Variants in KCNIP1 observed in about 807,000 individuals in gnomAD.
KCNIP1 encodes potassium voltage-gated channel interacting protein 1.
KCNIP1 carries 18 observed loss-of-function variants against 33.0 expected under a neutral mutation model. The ratio of observed to expected loss-of-function variants is 0.55; its 90% confidence interval spans 0.38 to 0.81. The LOEUF (loss-of-function observed/expected upper bound fraction) is 0.81, where lower values mean the gene tolerates loss of function less well. Ranked by LOEUF, KCNIP1 falls within the 30% of genes least tolerant of loss-of-function variation. KCNIP1 has a pLI of 0.00. For missense variants in KCNIP1, 238 were observed against 271.6 expected (o/e 0.88, Z 0.87); for synonymous variants, 93 against 98.3 (o/e 0.95, Z 0.32).
At chr5:170,548,726 C>T (rs559819461) in intron 1 of KCNIP1, among the ~76,000 whole-genome samples, 22 of 152,322 alleles carry the variant, frequency 1.4e-4, no homozygotes, top group African/African-American at 4.6e-4. Context: ...TATGTTGGGA[C>T]CTCTTCCCAC....
chr5:170,507,284 C>T (rs1754757299), intron 1 of KCNIP1, among the ~76,000 whole-genome samples: 2 of 152,196 alleles, frequency 1.3e-5, no homozygotes, highest in Non-Finnish European at 2.9e-5. Context: ...TTGTTTTCCT[C>T]AACTATAAAA....
intron 1 of KCNIP1, among the ~76,000 whole-genome samples, chr5:170,401,757 C>CA (rs201537929): frequency 0.048 from 6,174 of 127,628 alleles, 165 homozygotes; most frequent in Middle Eastern, 0.099. Context: ...GAGACTCTGT[C>CA]AAAAAAAAAA....
chr5:170,627,692 G>A (rs1030778910), intron 1 of KCNIP1, among the ~76,000 whole-genome samples: 1 of 152,236 alleles, frequency 6.6e-6, no homozygotes, highest in Non-Finnish European at 1.5e-5. Context: ...GAGCCAACCT[G>A]TGGCATTTAG....
At chr5:170,526,327 G>C (rs1281977648) in intron 1 of KCNIP1, among the ~76,000 whole-genome samples, 1 of 152,186 alleles carries the variant, frequency 6.6e-6, no homozygotes, top group Non-Finnish European at 1.5e-5. Flanking sequence ...CTACGCAGTA[G>C]CCCATTTCTG....
chr5:170,391,474 G>A, intron 1 of KCNIP1, among the ~76,000 whole-genome samples: 1 of 152,240 alleles, frequency 6.6e-6, no homozygotes, highest in Non-Finnish European at 1.5e-5. Context: ...GTTTGTGGGT[G>A]AAAACCCAGG....
intron 1 of KCNIP1, among the ~76,000 whole-genome samples, chr5:170,587,144 G>A (rs542170461): frequency 4.1e-4 from 62 of 152,106 alleles, no homozygotes; most frequent in Middle Eastern, 3.2e-3. Context: ...AAAATGGGCC[G>A]GGTGCAGTGG....
rs553464723 is a variant in KCNIP1 at position 170,711,924 on chromosome 5, G to T, written c.62-6834G>T. 3.4e-4 allele frequency among the ~76,000 whole-genome samples: 52 copies of T among 152,228 alleles called. 1 individual carries two copies. In the South Asian group the frequency reaches 0.011, roughly 32 times the overall value. ...TCTGCTGTCTGGGTTGCAGATTGGG[G>T]GACAGGAGAGAAACTAATACACACT... On this transcript the variant is annotated intron_variant, in intron 1 of 7. Coordinates refer to ENST00000328939, the MANE Select transcript of KCNIP1 (RefSeq NM_014592.4).
chr5:170,629,699 G>C (rs1759977550), intron 1 of KCNIP1, among the ~76,000 whole-genome samples: 1 of 151,978 alleles, frequency 6.6e-6, no homozygotes, highest in Non-Finnish European at 1.5e-5. Context: ...CTCCTCTCTG[G>C]GCCACCTTCA....
intron 1 of KCNIP1, among the ~76,000 whole-genome samples, chr5:170,495,272 G>A (rs1387937704): frequency 6.6e-6 from 1 of 152,206 alleles, no homozygotes. Flanking sequence ...TGTGGTCACT[G>A]TGCCATTCAG....
chr5:170,683,577 G>A (rs556558600), intron 1 of KCNIP1, among the ~76,000 whole-genome samples: 6 of 152,246 alleles, frequency 3.9e-5, no homozygotes, highest in Non-Finnish European at 7.3e-5. Flanking sequence ...TTCACAATTT[G>A]AGTACTAAAG....
chr5:170,504,467 G>T lies in KCNIP1; in HGVS notation c.-106G>T. 3.2e-6 allele frequency: 5 copies of T among 1,567,930 alleles called. No homozygotes were observed. Among genetic ancestry groups the T allele is most frequent in the Non-Finnish European group, 4.3e-6 (5 of 1,164,908 alleles). On this transcript the variant is annotated 5_prime_UTR_variant, in exon 1 of 8. Transcript: ENST00000328939. This position sits in a 1 kb window ranked among gnomAD's most constrained non-coding sequence, Gnocchi z 6.0. Reference sequence around the variant, plus strand: ...CCAAGCTGCAGGCGAGCTGCCGGGCGCTTTTCTCTCCTCCAATTCAGAGTA... The same window carrying T: ...CCAAGCTGCAGGCGAGCTGCCGGGCTCTTTTCTCTCCTCCAATTCAGAGTA...
At chr5:170,643,166 T>G (rs1760645104) in intron 1 of KCNIP1, among the ~76,000 whole-genome samples, 1 of 152,212 alleles carries the variant, frequency 6.6e-6, no homozygotes, top group Admixed American at 6.5e-5. Flanking sequence ...AGTCAGAGGC[T>G]GGAGTGACAC....
At chr5:170,697,156 C>T (rs1179508992) in intron 1 of KCNIP1, among the ~76,000 whole-genome samples, 2 of 152,084 alleles carry the variant, frequency 1.3e-5, no homozygotes, top group Non-Finnish European at 1.5e-5. Context: ...TTCAGGCCCA[C>T]CGTCACTCCT....
At chr5:170,597,802 T>TG (rs1238341783) in intron 1 of KCNIP1, among the ~76,000 whole-genome samples, 6 of 2,142 alleles carry the variant, frequency 2.8e-3, no homozygotes, top group Non-Finnish European at 5.4e-3. Flanking sequence ...TATATATATA[T>TG]ATATATATAT....
intron 1 of KCNIP1, among the ~76,000 whole-genome samples, chr5:170,481,393 CCTG>C (rs145931479): frequency 0.19 from 28,761 of 150,808 alleles, 2,840 homozygotes; most frequent in African/African-American, 0.23. Context: ...TAGTACTACT[CCTG>C]CTGCTGCTGC....
intron 1 of KCNIP1, among the ~76,000 whole-genome samples, chr5:170,606,367 G>T (rs1454050413): frequency 6.6e-6 from 1 of 152,154 alleles, no homozygotes; most frequent in Non-Finnish European, 1.5e-5. Flanking sequence ...CCTCAAGCAA[G>T]GTGCAAGGGT....
chr5:170,722,028 A>G (rs1006706215), intron 4 of KCNIP1, 125 bp downstream of exon 4: 1 of 1,158,116 alleles, frequency 8.6e-7, no homozygotes, highest in Non-Finnish European at 1.2e-6. Flanking sequence ...AGACATGTTT[A>G]TCCATTTGTA....
intron 1 of KCNIP1, among the ~76,000 whole-genome samples, chr5:170,655,249 T>C (rs1581453766): frequency 6.6e-6 from 1 of 152,286 alleles, no homozygotes; most frequent in East Asian, 1.9e-4. Context: ...GATGAGGAAG[T>C]CAGAGTGCAT....
chr5:170,476,995 T>A (rs1017893928), intron 1 of KCNIP1, among the ~76,000 whole-genome samples: 14 of 152,138 alleles, frequency 9.2e-5, no homozygotes, highest in African/African-American at 2.9e-4. Flanking sequence ...GGTTGACAGA[T>A]TGTAATAAAT....
Sources: gnomAD v4.1 joint callset for allele counts (sites outside exome capture counted in the v4.1 genomes callset) on GRCh38, gnomAD v4.1.1 for gene constraint, Gnocchi (gnomAD v3.1) non-coding constraint, MANE v1.5 for transcripts, NCBI Gene and HGNC (gene_info 2026-07-23, HGNC 2026-07-21) for gene names.